Variants in CA12 observed in about 807,000 individuals in gnomAD.
CA12 encodes carbonic anhydrase 12, also known as carbonate dehydratase XII.
In CA12, 36 loss-of-function variants were observed where a neutral mutation model predicts 46.8. The observed-to-expected ratio is 0.77, with a 90% CI of 0.59 to 1.02. The LOEUF is 1.02. Ranked by LOEUF, CA12 falls within the 50% of genes least tolerant of loss-of-function variation. The pLI, the probability that CA12 is intolerant of heterozygous loss-of-function variation, is 0.00. For missense variants in CA12, 436 were observed against 451.4 expected (o/e 0.97, Z 0.31); for synonymous variants, 202 against 187.0 (o/e 1.08, Z -0.65).
intron 2 of CA12, among the ~76,000 whole-genome samples, chr15:63,362,045 AGAGT>A (rs1371412954): frequency 2.6e-5 from 4 of 152,190 alleles, no homozygotes; most frequent in African/African-American, 9.7e-5. Context: ...AAAAGGCCAG[AGAGT>A]AAGTTTTTGA....
intron 3 of CA12, among the ~76,000 whole-genome samples, chr15:63,346,038 C>T (rs1025364433): frequency 2.6e-5 from 4 of 152,226 alleles, no homozygotes; most frequent in East Asian, 1.9e-4. Flanking sequence ...CAGACCCCAA[C>T]GTACATAATC....
At position 63,378,257 on chromosome 15, in the gene CA12, G is replaced by A. The variant is rs890170549; in HGVS notation, c.86-2579C>T. Among the ~76,000 whole-genome samples, 12 of 152,136 alleles carry A rather than the reference G, an allele frequency of 7.9e-5. No individual in the cohort carries two copies. Among genetic ancestry groups the A allele is most frequent in the Admixed American group, 5.2e-4 (8 of 15,284 alleles). On this transcript the variant is annotated intron_variant, in intron 1 of 10. Transcript: ENST00000178638. This position sits in a 1 kb window ranked among gnomAD's most constrained non-coding sequence, Gnocchi z 4.8. Reference sequence around the variant, plus strand: ...ACAAAAATTAGGCAGGCGTGGTGGCGGGTGCCTGTAATCCCAGCTGCTGGG... The same window carrying A: ...ACAAAAATTAGGCAGGCGTGGTGGCAGGTGCCTGTAATCCCAGCTGCTGGG...
intron 2 of CA12, among the ~76,000 whole-genome samples, chr15:63,349,927 G>A (rs753888815): frequency 6.6e-6 from 1 of 152,100 alleles, no homozygotes; most frequent in East Asian, 1.9e-4. Context: ...ATTCCCTCAT[G>A]TATTTCTTCT....
Position 63,322,999 on chromosome 15 carries a change from C to T in CA12, c.*3286G>A, listed in dbSNP as rs2038813264. 1 of 152,214 alleles carries T rather than the reference C, an allele frequency of 6.6e-6. No homozygotes were observed. Among genetic ancestry groups the T allele is most frequent in the Non-Finnish European group, 1.5e-5 (1 of 68,032 alleles). The allele number at this position is 152,214 out of a possible 1,614,324, so 9.4% of individuals were successfully genotyped here. On this transcript the variant is annotated 3_prime_UTR_variant, in exon 11 of 11. Transcript: ENST00000178638. The surrounding 1 kb of genome is among the most constrained non-coding windows in gnomAD (Gnocchi z 4.1). ...TTTTATAACCTTTACTGGACTGCCT[C>T]TTTTTGCCCCAGTCAGAATGTGAAG...
rs921566142 is a variant in CA12, at chr15:63,372,195, C to G, written c.106+3463G>C. ...ACCTGACCTGCAGCTGTCCTCAGTT[C>G]ACAGCAAGTGAAGCTGCCGGGCTCA... On this transcript the variant is annotated intron_variant, in intron 2 of 10. Transcript: ENST00000178638. The surrounding 1 kb of genome is among the most constrained non-coding windows in gnomAD (Gnocchi z 4.5). Among the ~76,000 whole-genome samples the G allele has an allele frequency of 6.6e-6, 1 of 152,180 alleles. No individual in the cohort carries two copies. Among genetic ancestry groups the G allele is most frequent in the Non-Finnish European group, 1.5e-5 (1 of 68,038 alleles).
chr15:63,333,798 C>G (rs999573), intron 8 of CA12, among the ~76,000 whole-genome samples: 19,405 of 152,094 alleles, frequency 0.13, 1,805 homozygotes, highest in East Asian at 0.5. Flanking sequence ...TGCCTGGCAC[C>G]CTTGTCTGAG....
rs189890745 is a variant in CA12 at position 63,339,325 on chromosome 15, G to T, written c.748-380C>A. Among the ~76,000 whole-genome samples the T allele has an allele frequency of 2.2e-4, 34 of 152,306 alleles. No homozygotes were observed. The highest frequency in any genetic ancestry group is 2.2e-3 in the Admixed American group (34 of 15,308). On this transcript the variant is annotated intron_variant, in intron 7 of 10. Coordinates refer to ENST00000178638, the MANE Select transcript of CA12 (RefSeq NM_001218.5). The surrounding 1 kb of genome is among the most constrained non-coding windows in gnomAD (Gnocchi z 4.3). ...TTAGAGGCCAGCTCTCAACCAGAGG[G>T]TCGCAGGGCTTGTTCTGATGGTCAT...
chr15:63,345,697 C>T lies in CA12; in HGVS notation c.287-78G>A. 1 of 1,528,526 alleles carries T rather than the reference C, an allele frequency of 6.5e-7. No homozygotes were observed. Among genetic ancestry groups the T allele is most frequent in the Admixed American group, 1.9e-5 (1 of 52,240 alleles). The allele number at this position is 1,528,526 out of a possible 1,614,324, so 94.7% of individuals were successfully genotyped here. ...AGAGAGCAGTCAGGTAGGCAATGCT[C>T]CCTCCACCCCTGCTGCCACCCCCTG... On this transcript the variant is annotated intron_variant, in intron 3 of 10. Transcript: ENST00000178638. The surrounding 1 kb of genome is among the most constrained non-coding windows in gnomAD (Gnocchi z 4.3).
At position 63,339,705 on chromosome 15, in the gene CA12, T is replaced by G. The variant is rs887246613; in HGVS notation, c.747+583A>C. On this transcript the variant is annotated intron_variant, in intron 7 of 10. Coordinates refer to ENST00000178638, the MANE Select transcript of CA12 (RefSeq NM_001218.5). This position sits in a 1 kb window ranked among gnomAD's most constrained non-coding sequence, Gnocchi z 4.3. ...CATTTTTCTTCTCATGAATTTAGGC[T>G]GTGGAGGACAGGTATGAGCAGTGAC... Among the ~76,000 whole-genome samples the G allele has an allele frequency of 6.6e-6, 1 of 152,100 alleles. No individual in the cohort carries two copies. The highest frequency in any genetic ancestry group is 1.5e-5 in the Non-Finnish European group (1 of 67,980).
rs147723091 is a variant in CA12, at chr15:63,373,950, C to G, written c.106+1708G>C. On this transcript the variant is annotated intron_variant, in intron 2 of 10. Transcript: ENST00000178638. The surrounding 1 kb of genome is among the most constrained non-coding windows in gnomAD (Gnocchi z 4.9). The stretch of plus-strand genomic sequence containing the variant: ...TTCTTACTTTGTCAGTTCTCTTATC[C>G]TGGCCTGGCCTTCCCCCTCACTGCC... 6.6e-6 allele frequency among the ~76,000 whole-genome samples: 1 copy of G among 152,334 alleles called. No homozygotes were observed. Among genetic ancestry groups the G allele is most frequent in the Non-Finnish European group, 1.5e-5 (1 of 68,028 alleles).
chr15:63,340,140 G>T lies in CA12; in HGVS notation c.747+148C>A. The T allele has an allele frequency of 1.1e-6, 1 of 921,912 alleles. No homozygotes were observed. The highest frequency in any genetic ancestry group is 1.7e-6 in the Non-Finnish European group (1 of 580,998). The allele number at this position is 921,912 out of a possible 1,614,324, so 57.1% of individuals were successfully genotyped here. A position where few individuals can be genotyped will look rare whatever the true frequency, so the allele number is the denominator to read the frequency against. ...TGAAGCTCAGCCTGGAATTTCTGCG[G>T]TGCTTTCAGACACCTGTGATATTTG... On this transcript the variant is annotated intron_variant, in intron 7 of 10. Coordinates refer to ENST00000178638, the MANE Select transcript of CA12 (RefSeq NM_001218.5). This position sits in a 1 kb window ranked among gnomAD's most constrained non-coding sequence, Gnocchi z 4.4.
Position 63,381,713 on chromosome 15 carries a change from C to G in CA12, c.8G>C (p.Arg3Pro). The change falls in exon 1 of 11, where the codon CGG (arginine) becomes CCG (proline). Residue 3 changes from arginine (R) to proline (P), a missense_variant. Physicochemically the swap from Arg to Pro is moderately radical, Grantham distance 103 (BLOSUM62 -2). Transcript: ENST00000178638. MP[R>P]RSLHAAAVLL... is the part of the protein sequence containing the mutation. ...CACGGCCGCCGCGTGCAGGCTGCGC[C>G]GGGGCATCTTCGCGGGCTCCTGCGG... is the stretch of plus-strand genomic sequence containing the variant. 1.9e-6 allele frequency: 3 copies of G among 1,602,628 alleles called. No individual in the cohort carries two copies. The highest frequency in any genetic ancestry group is 2.6e-6 in the Non-Finnish European group (3 of 1,174,694).
At chr15:63,354,451 G>A (rs1473355150) in intron 2 of CA12, among the ~76,000 whole-genome samples, 1 of 152,156 alleles carries the variant, frequency 6.6e-6, no homozygotes, top group Non-Finnish European at 1.5e-5. Flanking sequence ...GGAGGGTTGA[G>A]ACTTGGGCTT....
Position 63,339,061 on chromosome 15 carries a change from T to C in CA12, c.748-116A>G, listed in dbSNP as rs1256961405. On this transcript the variant is annotated intron_variant, in intron 7 of 10. Transcript: ENST00000178638. This position sits in a 1 kb window ranked among gnomAD's most constrained non-coding sequence, Gnocchi z 4.3. ...GAGAAGCCTCTGGAACCAGCTTCTGTGGGGCCGGGTGGGAGATATTAGAAA... is the reference window on the plus strand; with the variant it reads ...GAGAAGCCTCTGGAACCAGCTTCTGCGGGGCCGGGTGGGAGATATTAGAAA... 4 of 1,252,648 alleles carry C rather than the reference T, an allele frequency of 3.2e-6. No individual in the cohort carries two copies. In the East Asian group the frequency reaches 7.5e-5, roughly 24 times the overall value. The allele number at this position is 1,252,648 out of a possible 1,614,324, so 77.6% of individuals were successfully genotyped here.
At position 63,366,138 on chromosome 15, in the gene CA12, C is replaced by CAAA. The variant is rs10680238; in HGVS notation, c.106+9517_106+9519dup. On this transcript the variant is annotated intron_variant, in intron 2 of 10. Transcript: ENST00000178638. ...CCTGGGTGACAGAGCGAGACTATCT[C>CAAA]AAAAAAAAAAAAAAAAAAAAAGCAT... Among the ~76,000 whole-genome samples, 710 of 116,692 alleles carry CAAA rather than the reference C, an allele frequency of 6.1e-3. 18 individuals are homozygous for CAAA. The highest frequency in any genetic ancestry group is 0.022 in the African/African-American group (543 of 25,216). The allele number at this position is 116,692 out of a possible 152,430, so 76.6% of individuals were successfully genotyped here.
chr15:63,342,818 C>T (rs2039099353), intron 4 of CA12, among the ~76,000 whole-genome samples: 1 of 152,154 alleles, frequency 6.6e-6, no homozygotes, highest in Admixed American at 6.5e-5. Flanking sequence ...GAGACTATGA[C>T]ATATTGAGAT....
rs1239449483 is a variant in CA12, at chr15:63,340,590, A to G, written c.589+130T>C. On this transcript the variant is annotated intron_variant, in intron 6 of 10. Coordinates refer to ENST00000178638, the MANE Select transcript of CA12 (RefSeq NM_001218.5). The surrounding 1 kb of genome is among the most constrained non-coding windows in gnomAD (Gnocchi z 4.4). The stretch of plus-strand genomic sequence containing the variant: ...CAGGACCTGGTTGCAACATTGTTCA[A>G]CAACCTGCTGCTCTTAACCTGGTGA... The G allele has an allele frequency of 2.9e-6, 4 of 1,397,212 alleles. No homozygotes were observed. Among genetic ancestry groups the G allele is most frequent in the East Asian group, 2.3e-5 (1 of 43,830 alleles). 86.6% of individuals were successfully genotyped at this position (1,397,212 alleles called of 1,614,324 possible). A position where few individuals can be genotyped will look rare whatever the true frequency, so the allele number is the denominator to read the frequency against.
chr15:63,342,301 T>C (rs2039088917), intron 4 of CA12, among the ~76,000 whole-genome samples: 1 of 152,130 alleles, frequency 6.6e-6, no homozygotes, highest in African/African-American at 2.4e-5. Flanking sequence ...CTTGTTTTGA[T>C]ACATTTTAGA....
At chr15:63,381,332 T>C (rs1180796057) in intron 1 of CA12, among the ~76,000 whole-genome samples, 1 of 152,200 alleles carries the variant, frequency 6.6e-6, no homozygotes, top group Non-Finnish European at 1.5e-5. Flanking sequence ...GTTTTAAATC[T>C]TGGCTTTGCA....
Sources: gnomAD v4.1 joint callset for allele counts (sites outside exome capture counted in the v4.1 genomes callset) on GRCh38, gnomAD v4.1.1 for gene constraint, Gnocchi (gnomAD v3.1) non-coding constraint, MANE v1.5 for transcripts, NCBI Gene and HGNC (gene_info 2026-07-23, HGNC 2026-07-21) for gene names.